The following TNRC6B variants were observed in gnomAD, a reference collection of about 807,000 sequenced individuals.
The protein encoded by TNRC6B is trinucleotide repeat containing adaptor 6B.
TNRC6B carries 52 observed loss-of-function variants against 203.6 expected under a neutral mutation model. The observed-to-expected ratio is 0.26, with a 90% CI of 0.20 to 0.32. The LOEUF is 0.32. Among genes scored for constraint, TNRC6B ranks in the 10% least tolerant of loss-of-function variants. TNRC6B has a pLI of 1.00. For synonymous variants in TNRC6B, 838 were observed against 845.7 expected (o/e 0.99, Z 0.16); for missense variants, 1,923 against 2,286.2 (o/e 0.84, Z 3.24).
At position 40,315,383 on chromosome 22, in the gene TNRC6B, G is replaced by C; in HGVS notation, c.4779G>C (p.Arg1593Ser). 1.2e-6 allele frequency: 2 copies of C among 1,613,864 alleles called. No individual in the cohort carries two copies. Among genetic ancestry groups the C allele is most frequent in the Non-Finnish European group, 1.7e-6 (2 of 1,179,888 alleles). ...NKMWKNHISS[R>S]NTTPLPRPPP... is the part of the protein sequence containing the mutation. The stretch of plus-strand genomic sequence containing the variant: ...TGTGGAAAAACCATATTTCCTCCAG[G>C]AACACTACACCGCTGCCCCGCCCAC... Residue 1593 changes from arginine to serine, a missense_variant, in exon 20 of 23, where the codon AGG becomes AGC. This residue lies in a region of TNRC6B where 159 missense variants were observed against 181.0 expected (regional missense o/e 0.88). Coordinates refer to ENST00000454349, the MANE Select transcript of TNRC6B (RefSeq NM_001162501.2).
At chr22:40,137,097 T>A (rs1257666947) in intron 3 of TNRC6B, among the ~76,000 whole-genome samples, 1 of 152,228 alleles carries the variant, frequency 6.6e-6, no homozygotes, top group African/African-American at 2.4e-5. Context: ...TTTTAGGAAC[T>A]TGGTAATTTG....
intron 17 of TNRC6B, 71 bp from the exon 18 acceptor site, chr22:40,312,434 T>C (rs992123809): frequency 2.1e-6 from 3 of 1,458,156 alleles, no homozygotes; most frequent in South Asian, 1.3e-5. Flanking sequence ...CCATTTCTTA[T>C]GTCAAAAAAA....
At chr22:40,071,612 G>A (rs868096172) in intron 1 of TNRC6B, among the ~76,000 whole-genome samples, 3 of 152,140 alleles carry the variant, frequency 2.0e-5, no homozygotes, top group South Asian at 2.1e-4. Flanking sequence ...GCCCTACTGC[G>A]CCCCTCACTC....
intron 4 of TNRC6B, among the ~76,000 whole-genome samples, chr22:40,171,040 G>A (rs1291258141): frequency 6.9e-6 from 1 of 145,978 alleles, no homozygotes; most frequent in Non-Finnish European, 1.5e-5. Context: ...CTATATAGGT[G>A]TATATATATA....
intron 15 of TNRC6B, among the ~76,000 whole-genome samples, chr22:40,305,653 A>ATACC (rs2071079517): frequency 6.6e-6 from 1 of 152,128 alleles, no homozygotes. Flanking sequence ...GGGTTTGTAG[A>ATACC]TTGAACCTTT....
chr22:40,296,891 A>G (rs1219616046), intron 12 of TNRC6B, among the ~76,000 whole-genome samples: 2 of 152,152 alleles, frequency 1.3e-5, no homozygotes, highest in African/African-American at 4.8e-5. Flanking sequence ...TGGCCTCCCA[A>G]AGTGCTTGGG....
chr22:40,066,643 A>G (rs2067895627), intron 1 of TNRC6B, among the ~76,000 whole-genome samples: 1 of 152,144 alleles, frequency 6.6e-6, no homozygotes, highest in Admixed American at 6.5e-5. Context: ...TTTCATTGGT[A>G]ACCTGATTAA....
At chr22:40,119,236 G>A (rs2146319226) in intron 2 of TNRC6B, among the ~76,000 whole-genome samples, 1 of 152,296 alleles carries the variant, frequency 6.6e-6, no homozygotes, top group Non-Finnish European at 1.5e-5. Flanking sequence ...ACCTACCACA[G>A]GTCACAGACT....
intron 1 of TNRC6B, among the ~76,000 whole-genome samples, chr22:40,087,444 GAATA>G (rs1260527321): frequency 6.6e-6 from 1 of 152,142 alleles, no homozygotes. Context: ...TAGGAAATGA[GAATA>G]AAGAAATAAG....
intron 3 of TNRC6B, among the ~76,000 whole-genome samples, chr22:40,258,071 C>CTTTTTTTTTTTTTTTTTTTTTTTT (rs56078653): frequency 1.0e-4 from 3 of 28,714 alleles, no homozygotes; most frequent in Non-Finnish European, 1.9e-4. Flanking sequence ...GATACACAGC[C>CTTTTTTTTTTTTTTTTTTTTTTTT]TTTTTTTTTT....
At chr22:40,179,616 G>A (rs999858259) in intron 1 of TNRC6B, among the ~76,000 whole-genome samples, 3 of 152,218 alleles carry the variant, frequency 2.0e-5, no homozygotes, top group African/African-American at 7.2e-5. Context: ...TCAGAAGGGA[G>A]CAGTGTTTTT....
chr22:40,090,885 C>T (rs2146296801), intron 1 of TNRC6B, among the ~76,000 whole-genome samples: 1 of 152,254 alleles, frequency 6.6e-6, no homozygotes, highest in East Asian at 1.9e-4. Flanking sequence ...ACAAGGAAGT[C>T]ATAAAAGACT....
chr22:40,100,390 A>T (rs1045538234), intron 1 of TNRC6B, among the ~76,000 whole-genome samples: 2 of 151,182 alleles, frequency 1.3e-5, no homozygotes, highest in Non-Finnish European at 2.9e-5. Flanking sequence ...CGCCTGGCCT[A>T]TTTTTTAGAG....
At chr22:40,122,209 G>A (rs566289044) in intron 2 of TNRC6B, among the ~76,000 whole-genome samples, 2 of 152,204 alleles carry the variant, frequency 1.3e-5, no homozygotes, top group South Asian at 2.1e-4. Context: ...TATATGCAGC[G>A]AGAAATTGTT....
At chr22:40,060,365 G>A (rs2067839690) in intron 1 of TNRC6B, among the ~76,000 whole-genome samples, 1 of 152,054 alleles carries the variant, frequency 6.6e-6, no homozygotes, top group Non-Finnish European at 1.5e-5. Context: ...ATTTATTAGC[G>A]ACAGGGTTTC....
At chr22:40,072,861 C>CAAAAA (rs767881898) in intron 1 of TNRC6B, among the ~76,000 whole-genome samples, 3 of 46,516 alleles carry the variant, frequency 6.4e-5, no homozygotes, top group Non-Finnish European at 9.2e-5. Flanking sequence ...GAGATTCTCT[C>CAAAAA]AAAAAAAAAA....
chr22:40,248,359 G>C (rs551585928), intron 2 of TNRC6B, among the ~76,000 whole-genome samples: 2 of 152,284 alleles, frequency 1.3e-5, no homozygotes, highest in East Asian at 3.9e-4. Flanking sequence ...TACAAAAATC[G>C]GATTTTGCAG....
chr22:40,244,829 G>A (rs903571547), intron 1 of TNRC6B, among the ~76,000 whole-genome samples: 18 of 152,184 alleles, frequency 1.2e-4, no homozygotes, highest in African/African-American at 4.3e-4. Flanking sequence ...TACTGCAGTT[G>A]GTTGAGTGTA....
chr22:40,285,762 T>G lies in TNRC6B; in HGVS notation c.3700T>G (p.Ser1234Ala), dbSNP rs754658017. 6.2e-7 allele frequency: 1 copy of G among 1,613,148 alleles called. No individual in the cohort carries two copies. The highest frequency in any genetic ancestry group is 8.5e-7 in the Non-Finnish European group (1 of 1,179,692). ...LRAQVPPQFISPQVSASMLKQ... is the reference protein window; with the variant it reads ...LRAQVPPQFIAPQVSASMLKQ... ...GGCGCAAGTGCCTCCCCAGTTTATT[T>G]CCCCCCAGGTAAGCAATTTTACGTT... Residue 1234 changes from serine to alanine, a missense_variant, in exon 12 of 23, where the codon TCC becomes GCC. Ser to Ala is a moderately conservative substitution (Grantham distance 99). This residue lies in a region of TNRC6B where 242 missense variants were observed against 399.5 expected (regional missense o/e 0.61). Transcript: ENST00000454349.
Sources: allele counts gnomAD v4.1 joint callset (sites outside exome capture counted in the v4.1 genomes callset), GRCh38; gene constraint gnomAD v4.1.1; regional missense constraint gnomAD v4.1.1; transcripts MANE v1.5; gene names NCBI Gene and HGNC (gene_info 2026-07-23, HGNC 2026-07-21).